Variants in DNAH12 observed in about 807,000 individuals in gnomAD.
DNAH12 encodes the protein axonemal beta dynein heavy chain 12.
Under a neutral mutation model 371.5 loss-of-function variants are expected in DNAH12, and 285 were observed. The observed-to-expected ratio is 0.77, with a 90% confidence interval of 0.70 to 0.85. The LOEUF is 0.85. Ranked by LOEUF, DNAH12 falls within the 40% of genes least tolerant of loss-of-function variation. The probability of loss-of-function intolerance (pLI) is 0.00; values close to 1 mark genes in which losing one functional copy is unlikely to be tolerated. For synonymous variants in DNAH12, 1,200 were observed against 1,213.0 expected (o/e 0.99, Z 0.22); for missense variants, 3,611 against 3,689.4 (o/e 0.98, Z 0.55).
Position 57,509,040 on chromosome 3 carries a change from C to G in DNAH12, c.542+100G>C, listed in dbSNP as rs146195949. 2.7e-5 allele frequency: 28 copies of G among 1,034,150 alleles called. No homozygotes were observed. The East Asian group carries it at 6.6e-4, about 24-fold the overall frequency. 64.1% of individuals were successfully genotyped at this position (1,034,150 alleles called of 1,614,324 possible). Reference sequence around the variant, plus strand: ...TTTTTTTTTAGATGTGTTCAAAATACCTTTGAGCATCACAATTGTATACTT... The same window carrying G: ...TTTTTTTTTAGATGTGTTCAAAATAGCTTTGAGCATCACAATTGTATACTT... On this transcript the variant is annotated intron_variant, in intron 6 of 73. Transcript: ENST00000495027.
At chr3:57,417,678 A>G (rs188776637) in intron 37 of DNAH12, among the ~76,000 whole-genome samples, 3,610 of 150,538 alleles carry the variant, frequency 0.024, 68 homozygotes, top group Admixed American at 0.035. Context: ...TATCCTACAC[A>G]TTACAATTGT....
intron 2 of DNAH12, among the ~76,000 whole-genome samples, chr3:57,526,868 C>A (rs1300822649): frequency 3.8e-5 from 3 of 78,672 alleles, no homozygotes; most frequent in South Asian, 4.1e-4. Flanking sequence ...GAGTCTTACT[C>A]TGTCACCCAG....
chr3:57,495,196 C>A (rs1374470795), intron 11 of DNAH12, among the ~76,000 whole-genome samples: 1 of 152,108 alleles, frequency 6.6e-6, no homozygotes, highest in African/African-American at 2.4e-5. Flanking sequence ...ATGTGAATTA[C>A]TTCTCAATAA....
At chr3:57,369,290 TAG>T (rs1230404358) in intron 55 of DNAH12, among the ~76,000 whole-genome samples, 1 of 80,152 alleles carries the variant, frequency 1.2e-5, no homozygotes, top group East Asian at 2.6e-4. Context: ...ACATATAATA[TAG>T]AATTTTAATT....
At chr3:57,399,772 A>G (rs2063818749) in intron 43 of DNAH12, among the ~76,000 whole-genome samples, 1 of 152,180 alleles carries the variant, frequency 6.6e-6, no homozygotes. Context: ...GATCGTGAGG[A>G]TGAAGACCTT....
chr3:57,546,914 G>C (rs892235466), upstream of DNAH12, among the ~76,000 whole-genome samples: 1 of 152,040 alleles, frequency 6.6e-6, no homozygotes, highest in African/African-American at 2.4e-5. Context: ...TTAGGAGGCC[G>C]AGCCAGACAG....
At chr3:57,302,557 A>ATTT (rs1559535398) in intron 69 of DNAH12, among the ~76,000 whole-genome samples, 2 of 58,520 alleles carry the variant, frequency 3.4e-5, no homozygotes, top group East Asian at 2.2e-3. Flanking sequence ...ATATATATAT[A>ATTT]TATATATGTA....
intron 58 of DNAH12, among the ~76,000 whole-genome samples, chr3:57,357,805 G>A (rs2062834324): frequency 6.6e-6 from 1 of 152,154 alleles, no homozygotes; most frequent in African/African-American, 2.4e-5. Context: ...TATATTTAAG[G>A]TGTTAACTCG....
intron 12 of DNAH12, among the ~76,000 whole-genome samples, chr3:57,487,256 C>T (rs1253595113): frequency 8.3e-6 from 1 of 119,836 alleles, no homozygotes; most frequent in Non-Finnish European, 1.6e-5. Context: ...GGCAACATGG[C>T]AAGACCTTGT....
chr3:57,294,363 G>A (rs1204888330), intron 73 of DNAH12, among the ~76,000 whole-genome samples: 2 of 152,040 alleles, frequency 1.3e-5, no homozygotes, highest in African/African-American at 4.8e-5. Context: ...TTTTAGTAGA[G>A]ACGGGGTTTC....
intron 62 of DNAH12, among the ~76,000 whole-genome samples, chr3:57,326,690 T>A (rs370521599): frequency 0.024 from 3,580 of 152,094 alleles, 63 homozygotes; most frequent in Admixed American, 0.034. Flanking sequence ...TAATGACAGG[T>A]TCATATTCAC....
At chr3:57,421,919 T>TTTTTTTTTTTC (rs2064597913) in intron 35 of DNAH12, among the ~76,000 whole-genome samples, 1 of 146,544 alleles carries the variant, frequency 6.8e-6, no homozygotes, top group Non-Finnish European at 1.5e-5. Flanking sequence ...TTTTTTTTTT[T>TTTTTTTTTTTC]TTTTGAGACA....
chr3:57,486,480 A>C (rs2066927663), intron 12 of DNAH12, among the ~76,000 whole-genome samples: 2 of 152,060 alleles, frequency 1.3e-5, no homozygotes, highest in Admixed American at 6.6e-5. Context: ...TCAGGAAAAA[A>C]CCATGTAAAA....
At chr3:57,383,073 C>T (rs895787997) in intron 49 of DNAH12, among the ~76,000 whole-genome samples, 8 of 152,228 alleles carry the variant, frequency 5.3e-5, no homozygotes, top group Admixed American at 1.3e-4. Context: ...GTGGAGGTTA[C>T]GTGGCAGTGT....
Position 57,296,435 on chromosome 3 carries a change from C to G in DNAH12, c.11533G>C (p.Val3845Leu). 3.2e-6 allele frequency: 5 copies of G among 1,548,754 alleles called. No individual in the cohort carries two copies. The highest frequency in any genetic ancestry group is 4.4e-6 in the Non-Finnish European group (5 of 1,144,892). Residue 3845 changes from valine (V) to leucine (L), a missense_variant and splice_region_variant, in exon 72 of 74, where the codon GTT (valine) becomes CTT (leucine). Physicochemically the swap from Val to Leu is conservative, Grantham distance 32. Transcript: ENST00000495027. ...PIDLLGYEFE[V>L]IPSDTSDTSP... ...GTGTCAGATGTATCAGATGGGATAA[C>G]CTGAAGGGATAGGCACACACTAGCA...
At chr3:57,524,274 T>C (rs1228891712) in intron 2 of DNAH12, among the ~76,000 whole-genome samples, 4 of 152,158 alleles carry the variant, frequency 2.6e-5, no homozygotes, top group African/African-American at 7.2e-5. Context: ...TCCTCACTTA[T>C]CTTGCTTCAA....
chr3:57,448,501 T>C (rs2065615699), intron 25 of DNAH12, among the ~76,000 whole-genome samples: 1 of 151,754 alleles, frequency 6.6e-6, no homozygotes, highest in African/African-American at 2.4e-5. Flanking sequence ...GGAGTGAAGC[T>C]GTAGGTCTTC....
At chr3:57,306,606 C>T (rs1194497494) in intron 69 of DNAH12, among the ~76,000 whole-genome samples, 7 of 152,074 alleles carry the variant, frequency 4.6e-5, no homozygotes, top group African/African-American at 9.7e-5. Context: ...CCCTCCTTAG[C>T]GACCGATCAT....
At chr3:57,510,764 C>G in intron 5 of DNAH12, 26 bp downstream of exon 5, 1 of 1,604,776 alleles carries the variant, frequency 6.2e-7, no homozygotes, top group Non-Finnish European at 8.5e-7. Context: ...GTGAAAGAAG[C>G]CTGGTGTGTG....
Sources: gnomAD v4.1 joint callset for allele counts (sites outside exome capture counted in the v4.1 genomes callset) on GRCh38, gnomAD v4.1.1 for gene constraint, MANE v1.5 for transcripts, NCBI Gene and HGNC (gene_info 2026-07-23, HGNC 2026-07-21) for gene names.